Variants in DCT observed in about 807,000 individuals in gnomAD.
DCT encodes dopachrome tautomerase.
Under a neutral mutation model 53.0 loss-of-function variants are expected in DCT, and 47 were observed. The observed-to-expected ratio is 0.89, with a 90% confidence interval of 0.70 to 1.13. The LOEUF (loss-of-function observed/expected upper bound fraction) is 1.13. Ranked by LOEUF, DCT falls within the 50% of genes most tolerant of loss-of-function variation. The pLI, the probability that DCT is intolerant of heterozygous loss-of-function variation, is 0.00. For missense variants in DCT, 669 were observed against 637.4 expected (o/e 1.05, Z -0.53); for synonymous variants, 244 against 237.0 (o/e 1.03, Z -0.27).
chr13:94,541,930 G>A, the DCT span, among the ~76,000 whole-genome samples: 1 of 152,276 alleles, frequency 6.6e-6, no homozygotes, highest in African/African-American at 2.4e-5. Context: ...GCAGGACCAT[G>A]GATTTTAGGA....
At chr13:94,478,547 C>G (rs1885254471) in intron 1 of DCT, among the ~76,000 whole-genome samples, 1 of 152,232 alleles carries the variant, frequency 6.6e-6, no homozygotes, top group Non-Finnish European at 1.5e-5. Context: ...CTGCCTTTGA[C>G]TCCTGTCTTC....
intron 6 of DCT, among the ~76,000 whole-genome samples, chr13:94,456,990 C>T (rs116825763): frequency 2.0e-3 from 312 of 152,258 alleles, no homozygotes; most frequent in African/African-American, 6.8e-3. Context: ...ATTAGCCAGG[C>T]GCAGTGGCAC....
At chr13:94,473,260 A>G (rs1056848918) in intron 1 of DCT, among the ~76,000 whole-genome samples, 2 of 152,204 alleles carry the variant, frequency 1.3e-5, no homozygotes, top group Non-Finnish European at 2.9e-5. Context: ...CACCTTCAGT[A>G]CAGTATTTAG....
At chr13:94,491,709 A>G in the DCT span, among the ~76,000 whole-genome samples, 8,932 of 152,276 alleles carry the variant, frequency 0.059, 308 homozygotes, top group Non-Finnish European at 0.075. Context: ...GGTCACCATC[A>G]TAAGACTTAG....
At chr13:94,519,907 G>A in the DCT span, among the ~76,000 whole-genome samples, 1 of 152,004 alleles carries the variant, frequency 6.6e-6, no homozygotes, top group Non-Finnish European at 1.5e-5. Flanking sequence ...CTGAGGAGAA[G>A]GTCTAAATAC....
intron 1 of DCT, among the ~76,000 whole-genome samples, chr13:94,472,537 TATATATATATATATATATATATATA>T (rs1566854673): frequency 3.9e-5 from 1 of 25,862 alleles, no homozygotes; most frequent in Non-Finnish European, 6.6e-5. Flanking sequence ...TATATATATA[TATATATATATATATATATATATATA>T]TATATATTTT....
At chr13:94,527,347 G>C in the DCT span, among the ~76,000 whole-genome samples, 1 of 152,228 alleles carries the variant, frequency 6.6e-6, no homozygotes, top group African/African-American at 2.4e-5. Flanking sequence ...CCTGACCCCT[G>C]TGTAGCCTGA....
At chr13:94,474,699 C>G (rs989303238) in intron 1 of DCT, among the ~76,000 whole-genome samples, 13 of 152,196 alleles carry the variant, frequency 8.5e-5, no homozygotes, top group African/African-American at 2.9e-4. Context: ...TCCTGCAATT[C>G]AGCTCTTCCT....
At chr13:94,494,433 G>A in the DCT span, among the ~76,000 whole-genome samples, 1 of 151,984 alleles carries the variant, frequency 6.6e-6, no homozygotes, top group South Asian at 2.1e-4. Context: ...CTATCTTCAG[G>A]GATTTCCCAG....
chr13:94,509,631 C>T, the DCT span, among the ~76,000 whole-genome samples: 1 of 152,178 alleles, frequency 6.6e-6, no homozygotes, highest in Non-Finnish European at 1.5e-5. Context: ...GTTATCTCAG[C>T]ATAACTTAGC....
chr13:94,476,180 CTTTTTTTTTTT>C (rs529819051), intron 1 of DCT, among the ~76,000 whole-genome samples: 138 of 72,738 alleles, frequency 1.9e-3, no homozygotes, highest in African/African-American at 7.4e-3. Flanking sequence ...GGGGGAGCCT[CTTTTTTTTTTT>C]TTTTTTTTTT....
At chr13:94,537,432 A>G in the DCT span, among the ~76,000 whole-genome samples, 7 of 152,214 alleles carry the variant, frequency 4.6e-5, no homozygotes, top group Admixed American at 3.3e-4. Context: ...TAGGATTACA[A>G]CCTAAATTAA....
In DCT at chr13:94,478,974, G is replaced by A; in HGVS notation, c.282C>T (p.Thr94=). 2.5e-6 allele frequency: 4 copies of A among 1,610,490 alleles called. No homozygotes were observed. In the South Asian group the frequency reaches 3.3e-5, roughly 13 times the overall value. ...CATGGGCCTCACCTGTGCACTTGCA[G>A]GTCCGGTGGAAGAATTTTCTTGGCC... ...ELWPRKFFHR[T]CKCTGNFAGY... Residue 94 remains threonine (T), a synonymous_variant, in exon 1 of 8, where the codon ACC becomes ACT. Coordinates refer to ENST00000377028, the MANE Select transcript of DCT (RefSeq NM_001922.5).
At chr13:94,472,372 A>C (rs1884700369) in intron 1 of DCT, among the ~76,000 whole-genome samples, 1 of 151,512 alleles carries the variant, frequency 6.6e-6, no homozygotes, top group Non-Finnish European at 1.5e-5. Flanking sequence ...TGTGAACCTA[A>C]AACTGCTCTA....
chr13:94,504,261 A>G, the DCT span, among the ~76,000 whole-genome samples: 3 of 152,238 alleles, frequency 2.0e-5, no homozygotes, highest in African/African-American at 7.2e-5. Flanking sequence ...GCTTCTGTGT[A>G]CTGCAGGTAG....
chr13:94,526,981 G>A, the DCT span, among the ~76,000 whole-genome samples: 1 of 152,006 alleles, frequency 6.6e-6, no homozygotes, highest in African/African-American at 2.4e-5. Flanking sequence ...CCTGTGCCTG[G>A]CTCGGTGGGT....
Position 94,445,658 on chromosome 13 carries a change from GA to G in DCT, c.1180-2022del, listed in dbSNP as rs766486413. ...TTGGGTAATCGTAATCTGTTATGCA[GA>G]AATGGATAAACACAACAAAGGAAAA... On this transcript the variant is annotated intron_variant, in intron 6 of 7. Coordinates refer to ENST00000377028, the MANE Select transcript of DCT (RefSeq NM_001922.5). 78 of 1,104,686 alleles carry G rather than the reference GA, an allele frequency of 7.1e-5. 1 individual carries two copies. In the South Asian group the frequency reaches 9.9e-4, roughly 14 times the overall value. 68.4% of individuals were successfully genotyped at this position (1,104,686 alleles called of 1,614,324 possible). A position where few individuals can be genotyped will look rare whatever the true frequency, so the allele number is the denominator to read the frequency against.
the DCT span, among the ~76,000 whole-genome samples, chr13:94,547,984 A>AAAAAAAAAAAAATATATATATATATAT: frequency 3.0e-5 from 2 of 65,820 alleles, no homozygotes; most frequent in African/African-American, 2.6e-4. Flanking sequence ...AAAAAAAAAA[A>AAAAAAAAAAAAATATATATATATATAT]ATATATATAT....
chr13:94,481,441 C>T (rs1455900204), upstream of DCT, among the ~76,000 whole-genome samples: 1 of 152,144 alleles, frequency 6.6e-6, no homozygotes, highest in Non-Finnish European at 1.5e-5. Context: ...TATTGACTGC[C>T]ACTTCATGCC....
Sources: allele counts gnomAD v4.1 joint callset (sites outside exome capture counted in the v4.1 genomes callset), GRCh38; gene constraint gnomAD v4.1.1; transcripts MANE v1.5; gene names NCBI Gene and HGNC (gene_info 2026-07-23, HGNC 2026-07-21).